Variants in UBE4A observed in about 807,000 individuals in gnomAD.
UBE4A encodes the protein ubiquitin conjugation factor E4 A.
Under a neutral mutation model 117.9 loss-of-function variants are expected in UBE4A, and 48 were observed. That is an observed-to-expected ratio of 0.41 (90% CI 0.32 to 0.52). The LOEUF (loss-of-function observed/expected upper bound fraction) is 0.52. Ranked by LOEUF, UBE4A falls within the 20% of genes least tolerant of loss-of-function variation. The probability of loss-of-function intolerance (pLI) is 0.33; values close to 1 mark genes in which losing one functional copy is unlikely to be tolerated. For synonymous variants in UBE4A, 407 were observed against 450.0 expected (o/e 0.90, Z 1.21); for missense variants, 1,067 against 1,296.3 (o/e 0.82, Z 2.72).
intron 19 of UBE4A, 92 bp downstream of exon 19, chr11:118,392,987 C>G: frequency 8.2e-7 from 1 of 1,222,562 alleles, no homozygotes; most frequent in South Asian, 1.6e-5. Context: ...ACTTTGCACC[C>G]AACACATACC....
At chr11:118,394,560 C>T (rs1016795129) in intron 19 of UBE4A, among the ~76,000 whole-genome samples, 2 of 151,972 alleles carry the variant, frequency 1.3e-5, no homozygotes, top group South Asian at 4.2e-4. Flanking sequence ...CACTTGAGAT[C>T]AGGAGTTCGA....
chr11:118,371,509 T>C lies in UBE4A; in HGVS notation c.409-5T>C, dbSNP rs1948609792. 6.2e-7 allele frequency: 1 copy of C among 1,606,006 alleles called. No individual in the cohort carries two copies. The highest frequency in any genetic ancestry group is 8.5e-7 in the Non-Finnish European group (1 of 1,175,776). ...TTTAGTATTTTTGTTTGGTTTTCTT[T>C]ATAGGCCCTCTTCGCTCGCTTATTA... On this transcript the variant is annotated splice_polypyrimidine_tract_variant and splice_region_variant and intron_variant, in intron 4 of 19. Coordinates refer to ENST00000252108, the MANE Select transcript of UBE4A (RefSeq NM_001204077.2).
chr11:118,384,511 A>C (rs1215217798), intron 13 of UBE4A, 124 bp from the exon 14 acceptor site: 12 of 812,560 alleles, frequency 1.5e-5, no homozygotes, highest in Non-Finnish European at 2.1e-5. Flanking sequence ...TCCAGGGCAG[A>C]TTTTGTTAGT....
intron 1 of UBE4A, 127 bp from the exon 2 acceptor site, chr11:118,364,912 TG>T: frequency 2.1e-6 from 2 of 963,530 alleles, no homozygotes; most frequent in Non-Finnish European, 2.8e-6. Context: ...GGACAGGAAT[TG>T]GAAAATCTTA....
intron 10 of UBE4A, among the ~76,000 whole-genome samples, chr11:118,376,993 CAGTG>C (rs1173398295): frequency 6.6e-5 from 10 of 151,632 alleles, no homozygotes; most frequent in African/African-American, 2.4e-4. Context: ...TTGGAGGCCA[CAGTG>C]AGCTATGATT....
chr11:118,392,919 T>C (rs368701480), intron 19 of UBE4A, 24 bp downstream of exon 19: 2 of 1,609,892 alleles, frequency 1.2e-6, no homozygotes, highest in African/African-American at 2.7e-5. Context: ...AAAAACAGAC[T>C]CAAGAGCATA....
At chr11:118,375,843 T>C (rs1319793380) in intron 9 of UBE4A, among the ~76,000 whole-genome samples, 1 of 152,190 alleles carries the variant, frequency 6.6e-6, no homozygotes, top group African/African-American at 2.4e-5. Flanking sequence ...AAGGCAGATA[T>C]ATTAACTGAT....
At chr11:118,379,146 A>G (rs1459874035) in intron 10 of UBE4A, among the ~76,000 whole-genome samples, 1 of 152,142 alleles carries the variant, frequency 6.6e-6, no homozygotes, top group African/African-American at 2.4e-5. Flanking sequence ...TAATTATTTT[A>G]TGTAATAACA....
In UBE4A at chr11:118,392,810, A is replaced by G. The variant is rs782048641; in HGVS notation, c.2989A>G (p.Met997Val). The change falls in exon 19 of 20, where the codon ATG becomes GTG. Residue 997 changes from methionine to valine, a missense_variant. Around this residue, in one of 3 missense-constraint regions of UBE4A, gnomAD observed 34 missense variants for 77.7 expected, o/e 0.44. Transcript: ENST00000252108. The part of the protein sequence containing the change: ...DACDEFLDPI[M>V]STLMCDPVVL... ...CTGTGATGAGTTCCTGGATCCCATT[A>G]TGAGCACACTGATGTGTGACCCTGT... 6.2e-7 allele frequency: 1 copy of G among 1,614,178 alleles called. No individual in the cohort carries two copies. Among genetic ancestry groups the G allele is most frequent in the Non-Finnish European group, 8.5e-7 (1 of 1,180,018 alleles).
chr11:118,360,297 A>G (rs1048423938), intron 1 of UBE4A, among the ~76,000 whole-genome samples: 1 of 152,130 alleles, frequency 6.6e-6, no homozygotes, highest in Non-Finnish European at 1.5e-5. Context: ...CCCTGACAGC[A>G]AGCATGTGTT....
chr11:118,381,619 G>C, intron 12 of UBE4A, 96 bp downstream of exon 12: 2 of 1,498,996 alleles, frequency 1.3e-6, no homozygotes, highest in Non-Finnish European at 1.8e-6. Context: ...ATCATAAGGG[G>C]TTGCCTTCAG....
chr11:118,380,321 G>A (rs575929954), intron 11 of UBE4A, among the ~76,000 whole-genome samples: 5 of 152,084 alleles, frequency 3.3e-5, no homozygotes, highest in South Asian at 4.1e-4. Context: ...GATGGTGCAC[G>A]CCTGTAATCC....
chr11:118,373,255 T>G lies in UBE4A; in HGVS notation c.891T>G (p.Leu297=), dbSNP rs1405453285. 6.2e-7 allele frequency: 1 copy of G among 1,612,962 alleles called. No individual in the cohort carries two copies. Among genetic ancestry groups the G allele is most frequent in the Non-Finnish European group, 8.5e-7 (1 of 1,179,998 alleles). The stretch of plus-strand genomic sequence containing the variant: ...TTTTGTATGCATATCTGGATATTCT[T>G]CTCTATTTCACTAGGCAAAAAGATA... ...QILLYAYLDI[L]LYFTRQKDMA... The change falls in exon 7 of 20, where the codon CTT becomes CTG. Residue 297 remains leucine, a synonymous_variant. Coordinates refer to ENST00000252108, the MANE Select transcript of UBE4A (RefSeq NM_001204077.2).
Position 118,367,035 on chromosome 11 carries a change from C to G in UBE4A, c.122-1596C>G, listed in dbSNP as rs544743378. Reference sequence around the variant, plus strand: ...CCTGGCCAACATGGTGAAACCCCATCTCTACTAAAAATACAAAAATTAGCC... The same window carrying G: ...CCTGGCCAACATGGTGAAACCCCATGTCTACTAAAAATACAAAAATTAGCC... On this transcript the variant is annotated intron_variant, in intron 2 of 19. Coordinates refer to ENST00000252108, the MANE Select transcript of UBE4A (RefSeq NM_001204077.2). Among the ~76,000 whole-genome samples the G allele has an allele frequency of 2.0e-5, 3 of 152,278 alleles. No homozygotes were observed. In the South Asian group the frequency reaches 6.2e-4, roughly 32 times the overall value.
At position 118,389,905 on chromosome 11, in the gene UBE4A, G is replaced by T; in HGVS notation, c.2768G>T (p.Gly923Val). 1 of 1,572,344 alleles carries T rather than the reference G, an allele frequency of 6.4e-7. No homozygotes were observed. Among genetic ancestry groups the T allele is most frequent in the South Asian group, 1.1e-5 (1 of 87,196 alleles). The change falls in exon 17 of 20, where the codon GGG becomes GTG. Residue 923 changes from glycine to valine, a missense_variant and splice_region_variant. Gly to Val is a moderately radical substitution (Grantham distance 109). Coordinates refer to ENST00000252108, the MANE Select transcript of UBE4A (RefSeq NM_001204077.2). ...ATCTGCACTATCTACTTAAATCTTG[G>T]GTACCTGAGATTGAAATCTGTCAAG... ...SDICTIYLNL[G>V]DEENFCATVP...
At chr11:118,382,917 T>G in intron 13 of UBE4A, 141 bp downstream of exon 13, 1 of 704,332 alleles carries the variant, frequency 1.4e-6, no homozygotes, top group Non-Finnish European at 2.0e-6. Flanking sequence ...TGATGATAAG[T>G]GCTTTTTTTT....
chr11:118,362,370 C>T (rs1388226476), intron 1 of UBE4A, among the ~76,000 whole-genome samples: 3 of 152,048 alleles, frequency 2.0e-5, no homozygotes, highest in Admixed American at 6.5e-5. Flanking sequence ...ATGATCTGCC[C>T]GCCTTGGCCT....
rs147966437 is a variant in UBE4A at position 118,371,555 on chromosome 11, C to T, written c.450C>T (p.His150=). 1 of 1,613,986 alleles carries T rather than the reference C, an allele frequency of 6.2e-7. No homozygotes were observed. Among genetic ancestry groups the T allele is most frequent in the East Asian group, 2.2e-5 (1 of 44,876 alleles). Residue 150 remains histidine (H), a synonymous_variant, in exon 5 of 20, where the codon CAC becomes CAT. Coordinates refer to ENST00000252108, the MANE Select transcript of UBE4A (RefSeq NM_001204077.2). ...TATTACTTCAAGATCCAGGCAACCA[C>T]TTAATTAACATGACTTCTTCTACAA... The part of the protein sequence containing the change: ...ARLLLQDPGN[H]LINMTSSTTL...
rs1555130265 is a variant in UBE4A, at chr11:118,398,595, T to G, written c.*2155T>G. ...ATACACTTGGAAGCTTAAAAAGGTG[T>G]TTTGTCTGGAACTTAGAAGCAGCTC... On this transcript the variant is annotated 3_prime_UTR_variant, in exon 20 of 20. Coordinates refer to ENST00000252108, the MANE Select transcript of UBE4A (RefSeq NM_001204077.2). The G allele has an allele frequency of 6.6e-6, 1 of 152,574 alleles. No individual in the cohort carries two copies. The highest frequency in any genetic ancestry group is 1.9e-4 in the East Asian group (1 of 5,208). The allele number at this position is 152,574 out of a possible 1,614,324, so 9.5% of individuals were successfully genotyped here.
Sources: allele counts gnomAD v4.1 joint callset (sites outside exome capture counted in the v4.1 genomes callset), GRCh38; gene constraint gnomAD v4.1.1; regional missense constraint gnomAD v4.1.1; transcripts MANE v1.5; gene names NCBI Gene and HGNC (gene_info 2026-07-23, HGNC 2026-07-21).